ANKRD10: variants seen among roughly 807,000 people sequenced by gnomAD.
ANKRD10 encodes ankyrin repeat domain 10, also known as ankyrin repeat domain-containing protein 10.
A neutral mutation model predicts 27.0 loss-of-function variants in ANKRD10; 14 were observed. The observed-to-expected ratio is 0.52, with a 90% CI of 0.34 to 0.81. ANKRD10 has a LOEUF of 0.81. ANKRD10 is among the 40% of genes least tolerant of loss of function. The probability of loss-of-function intolerance (pLI) is 0.01; values close to 1 mark genes in which losing one functional copy is unlikely to be tolerated. For synonymous variants in ANKRD10, 250 were observed against 224.5 expected, an observed-to-expected ratio of 1.11 and a Z score of -1.01; for missense variants, 493 against 544.0, an observed-to-expected ratio of 0.91 and a Z score of 0.93.
At chr13:110,890,651 C>T (rs1382112272) in intron 4 of ANKRD10, among the ~76,000 whole-genome samples, 1 of 152,184 alleles carries the variant, frequency 6.6e-6, no homozygotes, top group African/African-American at 2.4e-5. Context: ...AAACATCAGT[C>T]ATGTACTGTG....
intron 2 of ANKRD10, among the ~76,000 whole-genome samples, chr13:110,908,516 T>G (rs960797610): frequency 6.6e-6 from 1 of 152,046 alleles, no homozygotes; most frequent in South Asian, 2.1e-4. Flanking sequence ...TGCCAAAAGA[T>G]TAACAGACTA....
chr13:110,912,244 C>A (rs914813428), intron 1 of ANKRD10, among the ~76,000 whole-genome samples: 3 of 152,196 alleles, frequency 2.0e-5, no homozygotes, highest in Admixed American at 6.5e-5. Context: ...GAGGAGAGAC[C>A]TCACCTGAAG....
At chr13:110,890,759 C>T (rs7994149) in intron 4 of ANKRD10, among the ~76,000 whole-genome samples, 42,628 of 151,794 alleles carry the variant, frequency 0.28, 7,064 homozygotes, top group Non-Finnish European at 0.38. Flanking sequence ...AAATTAGCAC[C>T]CTCGGGCTTG....
intron 1 of ANKRD10, chr13:110,914,489 G>T: frequency 2.5e-6 from 1 of 396,512 alleles, no homozygotes; most frequent in Non-Finnish European, 4.1e-6. Context: ...AGGCCCCTCC[G>T]GACGCAGGCG....
At chr13:110,881,609 T>C (rs745325003) in intron 5 of ANKRD10, among the ~76,000 whole-genome samples, 2 of 152,146 alleles carry the variant, frequency 1.3e-5, no homozygotes, top group Non-Finnish European at 2.9e-5. Context: ...CAATAGAAAA[T>C]AAAAACTGAA....
At position 110,893,578 on chromosome 13, in the gene ANKRD10, C is replaced by T. The variant is rs573832504; in HGVS notation, c.456-315G>A. Among the ~76,000 whole-genome samples the T allele has an allele frequency of 4.6e-5, 7 of 152,326 alleles. 1 individual carries two copies. In the South Asian group the frequency reaches 1.4e-3, roughly 32 times the overall value. On this transcript the variant is annotated intron_variant, in intron 3 of 5. Transcript: ENST00000267339. ...ATTTACGCTAACTTCAGACTTGAAA[C>T]TGAATTCTATATTATATGCACTTAA...
At chr13:110,883,621 A>T in intron 5 of ANKRD10, 77 bp downstream of exon 5, 10 of 1,584,196 alleles carry the variant, frequency 6.3e-6, no homozygotes, top group Non-Finnish European at 6.9e-6. Context: ...TTGGTCCAAC[A>T]GAACCACTCT....
intron 4 of ANKRD10, among the ~76,000 whole-genome samples, chr13:110,884,906 A>C (rs377333639): frequency 1.3e-5 from 2 of 152,154 alleles, no homozygotes; most frequent in African/African-American, 2.4e-5. Context: ...GAGGCCCACG[A>C]GTCATTTTTG....
intron 4 of ANKRD10, among the ~76,000 whole-genome samples, chr13:110,891,452 A>G (rs915248982): frequency 6.6e-6 from 1 of 152,258 alleles, no homozygotes; most frequent in Non-Finnish European, 1.5e-5. Context: ...TGCTTAACTC[A>G]TAAAAATCTT....
At chr13:110,889,128 T>TACATATAAAA (rs2065009931) in intron 4 of ANKRD10, among the ~76,000 whole-genome samples, 2 of 152,096 alleles carry the variant, frequency 1.3e-5, no homozygotes, top group Non-Finnish European at 2.9e-5. Context: ...TTCCAAGGAG[T>TACATATAAAA]ACATATAAAA....
chr13:110,880,880 GCTT>G (rs769259322), intron 5 of ANKRD10, among the ~76,000 whole-genome samples: 1 of 152,228 alleles, frequency 6.6e-6, no homozygotes, highest in Non-Finnish European at 1.5e-5. Context: ...ACGCAGAGTC[GCTT>G]CTTCTCAGTC....
At chr13:110,914,137 T>TGCCGGGGCCTTCCAGTCCC (rs1407664750) in intron 1 of ANKRD10, among the ~76,000 whole-genome samples, 9 of 152,202 alleles carry the variant, frequency 5.9e-5, no homozygotes, top group East Asian at 5.8e-4. Flanking sequence ...CCCACACAGC[T>TGCCGGGGCCTTCCAGTCCC]GCCGGGGCCT....
At chr13:110,905,074 T>C (rs903432540) in intron 3 of ANKRD10, 4 of 152,190 alleles carry the variant, frequency 2.6e-5, no homozygotes, top group Non-Finnish European at 5.9e-5. Context: ...TTCACATTTC[T>C]GATTAGAATA....
chr13:110,883,448 A>C, intron 5 of ANKRD10: 1 of 1,159,604 alleles, frequency 8.6e-7, no homozygotes, highest in Non-Finnish European at 1.1e-6. Flanking sequence ...GTATCTACAA[A>C]CTTGCCCAAG....
chr13:110,909,389 G>A (rs181272953), intron 2 of ANKRD10, among the ~76,000 whole-genome samples: 2 of 152,278 alleles, frequency 1.3e-5, no homozygotes, highest in East Asian at 3.9e-4. Flanking sequence ...ACAAGGCGCT[G>A]CCCAGCACAT....
At chr13:110,897,304 T>TA (rs2065253517) in intron 3 of ANKRD10, among the ~76,000 whole-genome samples, 1 of 150,228 alleles carries the variant, frequency 6.7e-6, no homozygotes, top group Non-Finnish European at 1.5e-5. Flanking sequence ...CTTTTTTTTT[T>TA]TTTTTTTTAA....
intron 4 of ANKRD10, among the ~76,000 whole-genome samples, chr13:110,886,566 G>A (rs557217217): frequency 8.5e-5 from 13 of 152,226 alleles, no homozygotes; most frequent in South Asian, 2.1e-4. Context: ...TATTAAGCCC[G>A]CAATTATCTC....
At chr13:110,894,119 T>A (rs1428812156) in intron 3 of ANKRD10, 1 of 1,607,220 alleles carries the variant, frequency 6.2e-7, no homozygotes, top group South Asian at 1.1e-5. Flanking sequence ...CTTTAGACAC[T>A]GAATTAAAAC....
chr13:110,888,817 A>G (rs568191106), intron 4 of ANKRD10, among the ~76,000 whole-genome samples: 1 of 152,314 alleles, frequency 6.6e-6, no homozygotes, highest in African/African-American at 2.4e-5. Flanking sequence ...TTTATATTCA[A>G]TACCTTCACA....
Sources: allele counts gnomAD v4.1 joint callset (sites outside exome capture counted in the v4.1 genomes callset), GRCh38; gene constraint gnomAD v4.1.1; transcripts MANE v1.5; gene names NCBI Gene and HGNC (gene_info 2026-07-23, HGNC 2026-07-21).